The following COP1 variants were observed in gnomAD, a reference collection of about 807,000 sequenced individuals.
COP1 encodes E3 ubiquitin-protein ligase COP1.
In COP1, 24 loss-of-function variants were observed where a neutral mutation model predicts 101.3. The observed-to-expected ratio is 0.24, with a 90% CI of 0.17 to 0.33. COP1 has a LOEUF of 0.33. COP1 is among the 10% of genes least tolerant of loss of function. The pLI, the probability that COP1 is intolerant of heterozygous loss-of-function variation, is 1.00. For missense variants in COP1, 663 were observed against 906.2 expected, an observed-to-expected ratio of 0.73 and a Z score of 3.45; for synonymous variants, 347 against 341.9, an observed-to-expected ratio of 1.01 and a Z score of -0.17.
chr1:176,094,068 A>G (rs1474078455), intron 9 of COP1, among the ~76,000 whole-genome samples: 2 of 151,926 alleles, frequency 1.3e-5, no homozygotes, highest in Admixed American at 1.3e-4. Flanking sequence ...ACGGAAAAAC[A>G]GATAAGACTT....
intron 5 of COP1, among the ~76,000 whole-genome samples, chr1:176,152,996 T>C (rs1692863508): frequency 1.3e-5 from 2 of 152,242 alleles, no homozygotes; most frequent in South Asian, 2.1e-4. Flanking sequence ...CAAATAAGGG[T>C]ACAGATATAC....
intron 11 of COP1, among the ~76,000 whole-genome samples, chr1:176,061,431 A>C (rs1295971925): frequency 6.6e-6 from 1 of 152,180 alleles, no homozygotes; most frequent in Non-Finnish European, 1.5e-5. Flanking sequence ...GTTCGAGATC[A>C]GCCTGACCAA....
intron 9 of COP1, among the ~76,000 whole-genome samples, chr1:176,115,313 G>A (rs1003630566): frequency 5.3e-5 from 8 of 152,148 alleles, no homozygotes; most frequent in South Asian, 4.1e-4. Flanking sequence ...ACCCAGACGC[G>A]GTGGCACACG....
chr1:176,141,438 T>G (rs940221786), intron 6 of COP1, among the ~76,000 whole-genome samples: 16 of 152,226 alleles, frequency 1.1e-4, no homozygotes, highest in African/African-American at 3.9e-4. Flanking sequence ...GAGGTGCAGG[T>G]TGCAGTGAGG....
intron 18 of COP1, among the ~76,000 whole-genome samples, chr1:175,977,651 T>C (rs1571349875): frequency 1.3e-5 from 2 of 152,206 alleles, no homozygotes; most frequent in East Asian, 3.9e-4. Flanking sequence ...TGTGAGACTG[T>C]ACAAGTAAAA....
intron 15 of COP1, among the ~76,000 whole-genome samples, chr1:176,000,510 T>C (rs1661342922): frequency 6.6e-6 from 1 of 152,106 alleles, no homozygotes. Context: ...ATAATGGCTA[T>C]GACAACATTA....
chr1:176,159,095 T>C (rs1693912071), intron 5 of COP1, among the ~76,000 whole-genome samples: 1 of 152,216 alleles, frequency 6.6e-6, no homozygotes, highest in African/African-American at 2.4e-5. Context: ...CCTAAAATCA[T>C]GTAAATTATG....
chr1:176,041,379 G>A (rs1224676090), intron 14 of COP1, among the ~76,000 whole-genome samples: 3 of 146,080 alleles, frequency 2.1e-5, no homozygotes, highest in South Asian at 2.2e-4. Flanking sequence ...ACAGAGTCTC[G>A]CTCTGTCATC....
chr1:176,206,717 G>C lies in COP1; in HGVS notation c.262C>G (p.Arg88Gly). Residue 88 changes from arginine (R) to glycine (G), a missense_variant, in exon 1 of 20, where the codon CGG becomes GGG. Physicochemically the swap from Arg to Gly is moderately radical, Grantham distance 125. Coordinates refer to ENST00000367669, the MANE Select transcript of COP1 (RefSeq NM_022457.7). ...CTGGGCCTGGCCGCGCAGCTGTGCC[G>C]GGACAGGCCCGTGGACACCGCCCCG... is the stretch of plus-strand genomic sequence containing the variant. Reference protein sequence around the residue: ...GGGAVSTGLSRHSCAARPSAG... With the variant: ...GGGAVSTGLSGHSCAARPSAG... 1 of 1,593,256 alleles carries C rather than the reference G, an allele frequency of 6.3e-7. No homozygotes were observed. The highest frequency in any genetic ancestry group is 1.1e-5 in the South Asian group (1 of 90,430).
At chr1:176,082,478 T>C (rs1025814935) in intron 10 of COP1, among the ~76,000 whole-genome samples, 1 of 152,180 alleles carries the variant, frequency 6.6e-6, no homozygotes, top group East Asian at 1.9e-4. Context: ...ACTGTTTGCA[T>C]GACGAAATTT....
At chr1:176,075,206 TACTC>T (rs913730987) in intron 11 of COP1, among the ~76,000 whole-genome samples, 2 of 152,208 alleles carry the variant, frequency 1.3e-5, no homozygotes, top group African/African-American at 4.8e-5. Flanking sequence ...TTTCAAATTT[TACTC>T]AGTCAAGTGC....
intron 15 of COP1, 66 bp downstream of exon 15, chr1:176,027,506 C>T (rs896489719): frequency 1.3e-5 from 12 of 907,070 alleles, no homozygotes; most frequent in Admixed American, 3.7e-5. Context: ...TTTTAAAATG[C>T]TCTCCTATCC....
intron 15 of COP1, among the ~76,000 whole-genome samples, chr1:176,014,823 T>C (rs1665335704): frequency 6.6e-6 from 1 of 152,204 alleles, no homozygotes; most frequent in African/African-American, 2.4e-5. Context: ...AGTACTAATA[T>C]TTTAAATACA....
intron 2 of COP1, among the ~76,000 whole-genome samples, chr1:176,180,279 C>T (rs551384596): frequency 3.9e-5 from 6 of 152,268 alleles, no homozygotes; most frequent in African/African-American, 9.6e-5. Flanking sequence ...AAGCAACATA[C>T]GCCTGTCTGC....
chr1:176,151,538 T>C (rs749953814), intron 5 of COP1, among the ~76,000 whole-genome samples: 1 of 152,240 alleles, frequency 6.6e-6, no homozygotes, highest in East Asian at 1.9e-4. Flanking sequence ...CTATGTGACA[T>C]GAAATATGCT....
chr1:176,058,020 A>T (rs1209189775), intron 11 of COP1, among the ~76,000 whole-genome samples: 1 of 81,910 alleles, frequency 1.2e-5, no homozygotes, highest in African/African-American at 3.1e-5. Context: ...TCCGCCCGGC[A>T]GCCGCCCCGT....
At chr1:176,046,996 C>T (rs16849522) in intron 11 of COP1, among the ~76,000 whole-genome samples, 8,112 of 152,128 alleles carry the variant, frequency 0.053, 464 homozygotes, top group South Asian at 0.14. Context: ...GTTATTCACT[C>T]CTCTCTTGCT....
intron 1 of COP1, among the ~76,000 whole-genome samples, chr1:176,199,211 G>T (rs1700026498): frequency 6.6e-6 from 1 of 152,188 alleles, no homozygotes; most frequent in African/African-American, 2.4e-5. Flanking sequence ...TAGCTACTCG[G>T]GAGGTTAAGG....
intron 15 of COP1, among the ~76,000 whole-genome samples, chr1:175,999,061 T>C (rs947899285): frequency 2.0e-5 from 3 of 152,100 alleles, no homozygotes; most frequent in African/African-American, 7.2e-5. Flanking sequence ...AACTGAGCAT[T>C]GTGGACAGTT....
Sources: gnomAD v4.1 joint callset for allele counts (sites outside exome capture counted in the v4.1 genomes callset) on GRCh38, gnomAD v4.1.1 for gene constraint, MANE v1.5 for transcripts, NCBI Gene and HGNC (gene_info 2026-07-23, HGNC 2026-07-21) for gene names.